FBXO21: variants seen among roughly 807,000 people sequenced by gnomAD.
FBXO21 encodes the protein F-box protein 21.
A neutral mutation model predicts 76.6 loss-of-function variants in FBXO21; 32 were observed. The observed-to-expected ratio is 0.42, with a 90% CI of 0.32 to 0.56. The LOEUF (loss-of-function observed/expected upper bound fraction) is 0.56. FBXO21 is among the 20% of genes least tolerant of loss of function. The pLI, the probability that FBXO21 is intolerant of heterozygous loss-of-function variation, is 0.16. For missense variants in FBXO21, 586 were observed against 797.3 expected (o/e 0.73, Z 3.19); for synonymous variants, 328 against 311.5 (o/e 1.05, Z -0.56).
chr12:117,161,331 A>C, intron 9 of FBXO21, among the ~76,000 whole-genome samples: 1 of 152,100 alleles, frequency 6.6e-6, no homozygotes, highest in Admixed American at 6.5e-5. Context: ...TGGGTGCAGG[A>C]GAGGACCAAG....
intron 11 of FBXO21, among the ~76,000 whole-genome samples, chr12:117,153,931 T>C (rs897073641): frequency 2.0e-5 from 3 of 152,234 alleles, no homozygotes; most frequent in African/African-American, 7.2e-5. Flanking sequence ...TGATTAGAGA[T>C]CAACTTCTGA....
At chr12:117,181,523 TTATCTATCTATCTATTTA>T (rs1470833492) in intron 3 of FBXO21, among the ~76,000 whole-genome samples, 6 of 152,186 alleles carry the variant, frequency 3.9e-5, no homozygotes, top group African/African-American at 1.4e-4. Flanking sequence ...ATGTATGAAT[TTATCTATCTATCTATTTA>T]TATCTATCTA....
At chr12:117,146,300 G>A in intron 11 of FBXO21, 23 bp from the exon 12 acceptor site, 3 of 1,574,318 alleles carry the variant, frequency 1.9e-6, no homozygotes, top group Non-Finnish European at 2.6e-6. Flanking sequence ...AGGCACACGG[G>A]CATTCTCATT....
chr12:117,161,323 G>A (rs1443750517), intron 9 of FBXO21, among the ~76,000 whole-genome samples: 1 of 152,016 alleles, frequency 6.6e-6, no homozygotes, highest in African/African-American at 2.4e-5. Flanking sequence ...AAAAGTAGTG[G>A]GTGCAGGAGA....
chr12:117,177,606 A>AT lies in FBXO21; in HGVS notation c.505dup (p.Ile169AsnfsTer13), dbSNP rs34443379. ...CTTCTGTTGCCGCAGGTAGTAAAGA[A>AT]TTTTTTTTGCGTAGTATTTCCAGGT... On this transcript the variant is annotated frameshift_variant, in exon 4 of 12. Coordinates refer to ENST00000622495, the MANE Select transcript of FBXO21 (RefSeq NM_015002.3). LOFTEE classifies it high-confidence loss of function. The AT allele has an allele frequency of 5.0e-6, 8 of 1,613,126 alleles. No homozygotes were observed. Among genetic ancestry groups the AT allele is most frequent in the Admixed American group, 1.7e-5 (1 of 59,962 alleles).
intron 7 of FBXO21, 43 bp from the exon 8 acceptor site, chr12:117,167,120 TTATTTTAAGTCTCCACAGTAAG>T (rs1255850589): frequency 2.0e-6 from 3 of 1,488,518 alleles, no homozygotes; most frequent in Non-Finnish European, 2.8e-6. Flanking sequence ...GAACAACTCA[TTATTTTAAGTCTCCACAGTAAG>T]TAGCTCAAAT....
At chr12:117,163,659 G>C (rs1956012226) in intron 9 of FBXO21, among the ~76,000 whole-genome samples, 1 of 150,996 alleles carries the variant, frequency 6.6e-6, no homozygotes, top group South Asian at 2.1e-4. Flanking sequence ...TAAATAGGCA[G>C]GGGCTGGGTG....
intron 5 of FBXO21, 97 bp from the exon 6 acceptor site, chr12:117,174,438 A>C (rs936877002): frequency 7.2e-6 from 10 of 1,386,244 alleles, no homozygotes; most frequent in Non-Finnish European, 1.0e-5. Flanking sequence ...CAATGGCCTA[A>C]CAATATTAAT....
At chr12:117,166,570 A>G (rs1217842464) in intron 8 of FBXO21, among the ~76,000 whole-genome samples, 1 of 152,260 alleles carries the variant, frequency 6.6e-6, no homozygotes, top group African/African-American at 2.4e-5. Flanking sequence ...AATATAGTCT[A>G]CAACTTTCTA....
chr12:117,185,404 G>T (rs974388778), intron 3 of FBXO21, among the ~76,000 whole-genome samples: 1 of 152,022 alleles, frequency 6.6e-6, no homozygotes, highest in East Asian at 1.9e-4. Flanking sequence ...GAGATATTTC[G>T]CAAAGATTCC....
At chr12:117,189,534 A>T (rs2135892461) in intron 1 of FBXO21, among the ~76,000 whole-genome samples, 172 bp from the exon 2 acceptor site, 1 of 152,144 alleles carries the variant, frequency 6.6e-6, no homozygotes. Flanking sequence ...TCCCGGTGTG[A>T]CCTTGGCGTA....
In FBXO21 at chr12:117,146,159, T is replaced by C. The variant is rs1367570582; in HGVS notation, c.1794A>G (p.Pro598=). 6.2e-7 allele frequency: 1 copy of C among 1,613,958 alleles called. No individual in the cohort carries two copies. Among genetic ancestry groups the C allele is most frequent in the Non-Finnish European group, 8.5e-7 (1 of 1,180,006 alleles). Residue 598 remains proline, a synonymous_variant, in exon 12 of 12, where the codon CCA becomes CCG. Coordinates refer to ENST00000622495, the MANE Select transcript of FBXO21 (RefSeq NM_015002.3). ...TTTCATAGACAAACTCCAGATCTTC[T>C]GGATACCGGATCTCCAGCTCTGCGT... ...IPNAELEIRY[P]EDLEFVYETV... is the part of the protein sequence containing the mutation.
chr12:117,167,373 C>T (rs577835941), intron 7 of FBXO21, among the ~76,000 whole-genome samples: 83 of 152,260 alleles, frequency 5.5e-4, no homozygotes, highest in African/African-American at 1.7e-3. Context: ...TTATGGAATG[C>T]CTGAGGCAGT....
At chr12:117,180,951 T>C (rs1956222687) in intron 3 of FBXO21, among the ~76,000 whole-genome samples, 1 of 152,194 alleles carries the variant, frequency 6.6e-6, no homozygotes, top group South Asian at 2.1e-4. Context: ...ATATTTTGCA[T>C]ATGTTCTCCC....
Position 117,150,871 on chromosome 12 carries a change from C to CTGTGTGTGTGTGTGTGTGTGTGTGTGTG in FBXO21, c.1676-4622_1676-4595dup, listed in dbSNP as rs372253197. Among the ~76,000 whole-genome samples the CTGTGTGTGTGTGTGTGTGTGTGTGTGTG allele has an allele frequency of 5.1e-4, 65 of 127,706 alleles. 3 individuals carry two copies. Among genetic ancestry groups the CTGTGTGTGTGTGTGTGTGTGTGTGTGTG allele is most frequent in the Admixed American group, 1.5e-3 (18 of 12,050 alleles). 83.8% of individuals were successfully genotyped at this position (127,706 alleles called of 152,430 possible). On this transcript the variant is annotated intron_variant, in intron 11 of 11. Coordinates refer to ENST00000622495, the MANE Select transcript of FBXO21 (RefSeq NM_015002.3). ...GCCAGCAGGTACAGCTGGCCATGGA[C>CTGTGTGTGTGTGTGTGTGTGTGTGTGTG]TGTGTGTGTGTGTGTGTGTGTGTGT...
intron 9 of FBXO21, among the ~76,000 whole-genome samples, chr12:117,161,330 G>A (rs554144721): frequency 6.6e-6 from 1 of 152,078 alleles, no homozygotes; most frequent in East Asian, 1.9e-4. Context: ...GTGGGTGCAG[G>A]AGAGGACCAA....
intron 11 of FBXO21, among the ~76,000 whole-genome samples, chr12:117,151,052 A>G (rs1393332777): frequency 1.3e-5 from 2 of 151,636 alleles, no homozygotes; most frequent in Admixed American, 6.6e-5. Flanking sequence ...GAAGCATCAA[A>G]TAAGTTATGG....
intron 10 of FBXO21, 34 bp downstream of exon 10, chr12:117,157,839 G>A (rs200258298): frequency 5.7e-4 from 869 of 1,537,872 alleles, no homozygotes; most frequent in Non-Finnish European, 7.3e-4. Flanking sequence ...CCTCTGGAAC[G>A]GACACTGCAG....
chr12:117,155,696 C>A, intron 11 of FBXO21, 95 bp downstream of exon 11: 6 of 1,373,692 alleles, frequency 4.4e-6, no homozygotes, highest in Non-Finnish European at 5.9e-6. Context: ...CTGAAGGAAC[C>A]GATGGCCCAC....
Sources: gnomAD v4.1 joint callset for allele counts (sites outside exome capture counted in the v4.1 genomes callset) on GRCh38, gnomAD v4.1.1 for gene constraint, MANE v1.5 for transcripts, NCBI Gene and HGNC (gene_info 2026-07-23, HGNC 2026-07-21) for gene names.